The following RAD23B variants were observed in gnomAD, a reference collection of about 807,000 sequenced individuals.
The protein encoded by RAD23B is lysine-specific demethylase RAD23B.
A neutral mutation model predicts 49.1 loss-of-function variants in RAD23B; 5 were observed. That is an observed-to-expected ratio of 0.10 (90% CI 0.05 to 0.21). RAD23B has a LOEUF of 0.21. Among genes scored for constraint, RAD23B ranks in the 10% least tolerant of loss-of-function variants. The probability of loss-of-function intolerance (pLI) is 1.00; values close to 1 mark genes in which losing one functional copy is unlikely to be tolerated. For missense variants in RAD23B, 356 were observed against 486.7 expected, an observed-to-expected ratio of 0.73 and a Z score of 2.53; for synonymous variants, 184 against 165.4, an observed-to-expected ratio of 1.11 and a Z score of -0.86.
Position 107,284,528 on chromosome 9 carries a change from G to T in RAD23B, c.66+833G>T, listed in dbSNP as rs79129200. The stretch of plus-strand genomic sequence containing the variant: ...AAAACAACAACTTTGAATCCTTTCT[G>T]CAGTTAAAGCCTTAAACATTTCAGA... On this transcript the variant is annotated intron_variant, in intron 1 of 9. Coordinates refer to ENST00000358015, the MANE Select transcript of RAD23B (RefSeq NM_002874.5). 7.9e-4 allele frequency among the ~76,000 whole-genome samples: 121 copies of T among 152,202 alleles called. 1 individual carries two copies. In the East Asian group the frequency reaches 0.02, roughly 26 times the overall value.
Position 107,283,694 on chromosome 9 carries a change from C to T in RAD23B, c.65C>T (p.Thr22Met). ...AAGATAGACATTGACCCCGAGGAGA[C>T]GGTATGCGCGCGGGCCGGGGGCAGG... ...TFKIDIDPEE[T>M]VKALKEKIES... Residue 22 changes from threonine to methionine, a missense_variant and splice_region_variant, in exon 1 of 10, where the codon ACG becomes ATG. Coordinates refer to ENST00000358015, the MANE Select transcript of RAD23B (RefSeq NM_002874.5). The T allele has an allele frequency of 6.8e-7, 1 of 1,466,746 alleles. No individual in the cohort carries two copies. The highest frequency in any genetic ancestry group is 9.0e-7 in the Non-Finnish European group (1 of 1,105,260). 90.9% of individuals were successfully genotyped at this position (1,466,746 alleles called of 1,614,324 possible). A position where few individuals can be genotyped will look rare whatever the true frequency, so the allele number is the denominator to read the frequency against.
At chr9:107,298,006 A>G (rs148469446) in intron 1 of RAD23B, among the ~76,000 whole-genome samples, 5 of 152,268 alleles carry the variant, frequency 3.3e-5, no homozygotes, top group East Asian at 1.9e-4. Flanking sequence ...CCAAGCCACT[A>G]TGTATTGTTC....
chr9:107,312,625 A>C (rs1429277765), intron 5 of RAD23B, among the ~76,000 whole-genome samples: 1 of 151,916 alleles, frequency 6.6e-6, no homozygotes, highest in Admixed American at 6.6e-5. Flanking sequence ...TTCATCTTTG[A>C]GGAGCAGTGT....
At chr9:107,285,650 T>C (rs1833261388) in intron 1 of RAD23B, among the ~76,000 whole-genome samples, 1 of 152,260 alleles carries the variant, frequency 6.6e-6, no homozygotes, top group Admixed American at 6.5e-5. Context: ...AGTAATATGT[T>C]ATACGTCTGG....
In RAD23B at chr9:107,318,927, A is replaced by G. The variant is rs766515225; in HGVS notation, c.681+48A>G. Reference sequence around the variant, plus strand: ...CTCCATTCTGTTGTTTAAGATTAAAATCTCAAAGAAACAGATTTTAAAGGA... The same window carrying G: ...CTCCATTCTGTTGTTTAAGATTAAAGTCTCAAAGAAACAGATTTTAAAGGA... On this transcript the variant is annotated intron_variant, in intron 6 of 9. Transcript: ENST00000358015. This position sits in a 1 kb window ranked among gnomAD's most constrained non-coding sequence, Gnocchi z 4.3. The G allele has an allele frequency of 3.2e-6, 5 of 1,546,958 alleles. No individual in the cohort carries two copies. The Admixed American group carries it at 7.3e-5, about 23-fold the overall frequency.
At chr9:107,294,995 G>A (rs1237427880) in intron 1 of RAD23B, among the ~76,000 whole-genome samples, 2 of 152,072 alleles carry the variant, frequency 1.3e-5, no homozygotes, top group Non-Finnish European at 2.9e-5. Flanking sequence ...GAGGAAGATA[G>A]GAGAGGATTA....
In RAD23B at chr9:107,283,675, G is replaced by A. The variant is rs1230946595; in HGVS notation, c.46G>A (p.Asp16Asn). Residue 16 changes from aspartate (D) to asparagine (N), a missense_variant, in exon 1 of 10, where the codon GAC becomes AAC. Asp to Asn is a conservative substitution (Grantham distance 23, BLOSUM62 1). This residue lies in a region of RAD23B where 31 missense variants were observed against 23.5 expected (regional missense o/e 1.32). Coordinates refer to ENST00000358015, the MANE Select transcript of RAD23B (RefSeq NM_002874.5). Reference sequence around the variant, plus strand: ...CCTCCAGCAGCAGACCTTCAAGATAGACATTGACCCCGAGGAGACGGTATG... The same window carrying A: ...CCTCCAGCAGCAGACCTTCAAGATAAACATTGACCCCGAGGAGACGGTATG... ...KTLQQQTFKI[D>N]IDPEETVKAL... The A allele has an allele frequency of 3.4e-6, 5 of 1,480,870 alleles. No homozygotes were observed. The Admixed American group carries it at 7.0e-5, about 21-fold the overall frequency. 91.7% of individuals were successfully genotyped at this position (1,480,870 alleles called of 1,614,324 possible). A position where few individuals can be genotyped will look rare whatever the true frequency, so the allele number is the denominator to read the frequency against.
chr9:107,299,279 A>G (rs936451201), intron 1 of RAD23B, among the ~76,000 whole-genome samples: 1 of 152,146 alleles, frequency 6.6e-6, no homozygotes, highest in Non-Finnish European at 1.5e-5. Flanking sequence ...GAAGTATTGA[A>G]TTTTTCTCCT....
chr9:107,310,232 A>G (rs1826865623), intron 4 of RAD23B, among the ~76,000 whole-genome samples: 1 of 152,174 alleles, frequency 6.6e-6, no homozygotes, highest in African/African-American at 2.4e-5. Context: ...TAAATTATAG[A>G]TGGATACGGA....
chr9:107,301,376 G>T (rs1826649051), intron 2 of RAD23B, among the ~76,000 whole-genome samples: 1 of 152,106 alleles, frequency 6.6e-6, no homozygotes, highest in African/African-American at 2.4e-5. Flanking sequence ...TGTGCAATCG[G>T]AGTATTGAAT....
intron 7 of RAD23B, among the ~76,000 whole-genome samples, 163 bp from the exon 8 acceptor site, chr9:107,323,727 T>A (rs555367440): frequency 6.6e-6 from 1 of 152,334 alleles, no homozygotes; most frequent in South Asian, 2.1e-4. Flanking sequence ...AACTTGCAAG[T>A]TGGTACAGTT....
intron 3 of RAD23B, among the ~76,000 whole-genome samples, chr9:107,306,062 T>TAGATATATATAG (rs1272904929): frequency 0.049 from 6,846 of 138,550 alleles, 312 homozygotes; most frequent in South Asian, 0.11. Flanking sequence ...TATATATATA[T>TAGATATATATAG]ATATATATAT....
chr9:107,319,891 A>G (rs1002892557), intron 6 of RAD23B, among the ~76,000 whole-genome samples: 3 of 152,218 alleles, frequency 2.0e-5, no homozygotes, highest in African/African-American at 7.2e-5. Context: ...AGTTTTTTAA[A>G]ATCTCAGACT....
chr9:107,309,831 T>C (rs1826853644), intron 4 of RAD23B, among the ~76,000 whole-genome samples: 1 of 149,562 alleles, frequency 6.7e-6, no homozygotes, highest in African/African-American at 2.5e-5. Context: ...CTCAGGAGGC[T>C]GAGGCAGGAG....
chr9:107,288,182 A>G (rs1833313472), intron 1 of RAD23B, among the ~76,000 whole-genome samples: 1 of 152,170 alleles, frequency 6.6e-6, no homozygotes, highest in Admixed American at 6.5e-5. Flanking sequence ...AAGATCTTTG[A>G]ATGAACTGAA....
chr9:107,298,313 T>TTTTA (rs368977417), intron 1 of RAD23B, among the ~76,000 whole-genome samples: 1 of 151,882 alleles, frequency 6.6e-6, no homozygotes, highest in Admixed American at 6.6e-5. Context: ...TTACGTTTTA[T>TTTTA]TTTATTTATT....
chr9:107,284,172 C>G, intron 1 of RAD23B: 2 of 986,960 alleles, frequency 2.0e-6, no homozygotes, highest in Non-Finnish European at 2.4e-6. Context: ...TATCAGGTTC[C>G]GTTTGCCGCC....
chr9:107,297,712 T>G (rs1409793901), intron 1 of RAD23B, among the ~76,000 whole-genome samples: 2 of 152,096 alleles, frequency 1.3e-5, no homozygotes, highest in Non-Finnish European at 2.9e-5. Flanking sequence ...GGGCCTTTTT[T>G]TTTTTTTTGG....
chr9:107,321,833 T>C lies in RAD23B; in HGVS notation c.682-150T>C. ...CTAATCTAATTTGAATCCATGCAGC[T>C]TAATAATCCTTTACTTTTAATTGAA... On this transcript the variant is annotated intron_variant, in intron 6 of 9. Coordinates refer to ENST00000358015, the MANE Select transcript of RAD23B (RefSeq NM_002874.5). The C allele has an allele frequency of 3.3e-6, 3 of 920,034 alleles. No individual in the cohort carries two copies. In the South Asian group the frequency reaches 7.9e-5, roughly 24 times the overall value. 57.0% of individuals were successfully genotyped at this position (920,034 alleles called of 1,614,324 possible).
Sources: allele counts gnomAD v4.1 joint callset (sites outside exome capture counted in the v4.1 genomes callset), GRCh38; gene constraint gnomAD v4.1.1; regional missense constraint gnomAD v4.1.1; non-coding constraint Gnocchi (gnomAD v3.1); transcripts MANE v1.5; gene names NCBI Gene and HGNC (gene_info 2026-07-23, HGNC 2026-07-21).